The following C12orf56 variants were observed in gnomAD, a reference collection of about 807,000 sequenced individuals.
C12orf56 encodes the protein chromosome 12 open reading frame 56.
In C12orf56, 71 loss-of-function variants were observed where a neutral mutation model predicts 69.9. The observed-to-expected ratio is 1.02, with a 90% CI of 0.84 to 1.24. C12orf56 has a LOEUF of 1.24. C12orf56 is among the 50% of genes most tolerant of loss of function. The pLI is 0.00. For missense variants in C12orf56, 732 were observed against 738.5 expected, an observed-to-expected ratio of 0.99 and a Z score of 0.10; for synonymous variants, 276 against 274.1, an observed-to-expected ratio of 1.01 and a Z score of -0.07.
At position 64,278,787 on chromosome 12, in the gene C12orf56, C is replaced by T. The variant is rs796385116; in HGVS notation, c.1311-984G>A. ...TAAGCCTCTGACAACCACCATTCTA[C>T]ACTCTCTGTTTTTATGAGTTTGGCT... On this transcript the variant is annotated intron_variant, in intron 8 of 12. Coordinates refer to ENST00000543942, the MANE Select transcript of C12orf56 (RefSeq NM_001170633.2). Among the ~76,000 whole-genome samples the T allele has an allele frequency of 5.9e-5, 9 of 152,256 alleles. 1 individual carries two copies. Among genetic ancestry groups the T allele is most frequent in the African/African-American group, 1.7e-4 (7 of 41,554 alleles).
At chr12:64,308,989 G>GA (rs1478261426) in intron 5 of C12orf56, among the ~76,000 whole-genome samples, 67 of 146,402 alleles carry the variant, frequency 4.6e-4, no homozygotes, top group African/African-American at 1.4e-3. Context: ...AGAAAGAAAA[G>GA]AAAGAAGGAA....
At chr12:64,341,339 A>G (rs571204727) in intron 2 of C12orf56, among the ~76,000 whole-genome samples, 68 of 152,172 alleles carry the variant, frequency 4.5e-4, no homozygotes, top group African/African-American at 1.6e-3. Flanking sequence ...AATCCTGGCT[A>G]TGGGAGGAAC....
chr12:64,376,876 G>C (rs1173356016), intron 1 of C12orf56, among the ~76,000 whole-genome samples: 1 of 151,334 alleles, frequency 6.6e-6, no homozygotes, highest in Non-Finnish European at 1.5e-5. Context: ...GTCTTGCTCT[G>C]TTGTCCTGGC....
Position 64,338,755 on chromosome 12 carries a change from C to T in C12orf56, c.416-7723G>A, listed in dbSNP as rs1326570374. ...CTTGTTCAATGAAAGCCATCATATGCTTTATCTGCTTTTGCATGTCAGCAT... is the reference window on the plus strand; with the variant it reads ...CTTGTTCAATGAAAGCCATCATATGTTTTATCTGCTTTTGCATGTCAGCAT... On this transcript the variant is annotated intron_variant, in intron 2 of 12. Transcript: ENST00000543942. 19 of 1,444,444 alleles carry T rather than the reference C, an allele frequency of 1.3e-5. No individual in the cohort carries two copies. In the South Asian group the frequency reaches 2.1e-4, roughly 16 times the overall value. 89.5% of individuals were successfully genotyped at this position (1,444,444 alleles called of 1,614,324 possible).
intron 12 of C12orf56, among the ~76,000 whole-genome samples, chr12:64,269,368 A>G (rs542699893): frequency 6.6e-6 from 1 of 152,268 alleles, no homozygotes; most frequent in South Asian, 2.1e-4. Flanking sequence ...GCCTATAAAT[A>G]GAAATGGAAC....
intron 3 of C12orf56, among the ~76,000 whole-genome samples, chr12:64,323,176 C>T (rs1357921469): frequency 2.0e-5 from 3 of 152,152 alleles, no homozygotes; most frequent in Admixed American, 6.5e-5. Context: ...GACACACAAA[C>T]ATCAGAGAAG....
intron 5 of C12orf56, among the ~76,000 whole-genome samples, chr12:64,304,339 C>T (rs1256986149): frequency 2.0e-5 from 3 of 152,124 alleles, no homozygotes; most frequent in Non-Finnish European, 2.9e-5. Flanking sequence ...ATCAGCCTAG[C>T]TGGAAAAAGG....
At chr12:64,323,131 G>A (rs2038793293) in intron 3 of C12orf56, among the ~76,000 whole-genome samples, 1 of 152,196 alleles carries the variant, frequency 6.6e-6, no homozygotes, top group Non-Finnish European at 1.5e-5. Flanking sequence ...GCTGCCCCAT[G>A]GAGGATGTGG....
intron 6 of C12orf56, among the ~76,000 whole-genome samples, chr12:64,300,335 CT>C (rs911284067): frequency 1.9e-4 from 29 of 151,946 alleles, no homozygotes; most frequent in Non-Finnish European, 4.1e-4. Flanking sequence ...TCTCTCCATT[CT>C]TTTTTTGTTC....
chr12:64,380,283 C>G (rs957600361), intron 1 of C12orf56, among the ~76,000 whole-genome samples: 1 of 152,200 alleles, frequency 6.6e-6, no homozygotes, highest in South Asian at 2.1e-4. Context: ...GCCTGAGTAA[C>G]GGCCAGTGTG....
rs879200955 is a variant in C12orf56 at position 64,318,843 on chromosome 12, G to A, written c.626C>T (p.Pro209Leu). The A allele has an allele frequency of 1.3e-6, 2 of 1,537,186 alleles. No homozygotes were observed. The highest frequency in any genetic ancestry group is 2.4e-5 in the South Asian group (2 of 84,050). Reference protein sequence around the residue: ...SPSRRSSQSAPTTGKAVSEPS... With the variant: ...SPSRRSSQSALTTGKAVSEPS... Reference sequence around the variant, plus strand: ...CTCGCTGACAGCCTTGCCAGTTGTTGGTGCAGACTGAGAGCTCCTCCTGGA... The same window carrying A: ...CTCGCTGACAGCCTTGCCAGTTGTTAGTGCAGACTGAGAGCTCCTCCTGGA... The change falls in exon 4 of 13, where the codon CCA (proline) becomes CTA (leucine). Residue 209 changes from proline (P) to leucine (L), a missense_variant. Physicochemically the swap from Pro to Leu is moderately conservative, Grantham distance 98 (BLOSUM62 -3). Coordinates refer to ENST00000543942, the MANE Select transcript of C12orf56 (RefSeq NM_001170633.2).
chr12:64,338,552 A>G, intron 2 of C12orf56: 1 of 1,458,758 alleles, frequency 6.9e-7, no homozygotes, highest in Non-Finnish European at 9.6e-7. Flanking sequence ...GAGGACTTTG[A>G]GTCTTGCTTG....
In C12orf56 at chr12:64,390,326, C is replaced by T; in HGVS notation, c.240G>A (p.Val80=). The change falls in exon 1 of 13, where the codon GTG becomes GTA. Residue 80 remains valine, a synonymous_variant. Coordinates refer to ENST00000543942, the MANE Select transcript of C12orf56 (RefSeq NM_001170633.2). ...CCGCGCCGCTCACCAGGTCAATGGC[C>T]ACGACGTCCCGCAGAGCCACTACCC... The part of the protein sequence containing the change: ...IRRVVALRDV[V]AIDLIDDYPE... 1 of 1,609,666 alleles carries T rather than the reference C, an allele frequency of 6.2e-7. No individual in the cohort carries two copies. The highest frequency in any genetic ancestry group is 8.5e-7 in the Non-Finnish European group (1 of 1,178,974).
chr12:64,335,605 G>A (rs796271989), intron 2 of C12orf56, among the ~76,000 whole-genome samples: 76 of 152,282 alleles, frequency 5.0e-4, no homozygotes, highest in African/African-American at 1.7e-3. Flanking sequence ...GCTGAGGCAG[G>A]AGGATTGCTC....
rs1461672518 is a variant in C12orf56, at chr12:64,390,594, T to G, written c.-29A>C. On this transcript the variant is annotated 5_prime_UTR_variant, in exon 1 of 13. Coordinates refer to ENST00000543942, the MANE Select transcript of C12orf56 (RefSeq NM_001170633.2). The stretch of plus-strand genomic sequence containing the variant: ...CGGCGCCCGCAGCGTGGCGGAGTGC[T>G]GGGACTCGAGGCCCTCAGCTCGCCC... The G allele has an allele frequency of 6.6e-7, 1 of 1,505,220 alleles. No individual in the cohort carries two copies. Among genetic ancestry groups the G allele is most frequent in the East Asian group, 2.5e-5 (1 of 40,312 alleles). The allele number at this position is 1,505,220 out of a possible 1,614,324, so 93.2% of individuals were successfully genotyped here. A position where few individuals can be genotyped will look rare whatever the true frequency, so the allele number is the denominator to read the frequency against.
chr12:64,359,511 TA>T (rs2039367460), intron 1 of C12orf56, among the ~76,000 whole-genome samples: 1 of 152,168 alleles, frequency 6.6e-6, no homozygotes, highest in Non-Finnish European at 1.5e-5. Flanking sequence ...AATCTCTGTT[TA>T]AAAAATGTCT....
At chr12:64,287,053 G>A (rs949725238) in intron 6 of C12orf56, among the ~76,000 whole-genome samples, 4 of 151,894 alleles carry the variant, frequency 2.6e-5, no homozygotes, top group African/African-American at 7.3e-5. Flanking sequence ...CCTGGCCAAC[G>A]TGGCAAAACC....
At chr12:64,338,754 G>T (rs2039031564) in intron 2 of C12orf56, 1 of 1,441,754 alleles carries the variant, frequency 6.9e-7, no homozygotes, top group African/African-American at 1.4e-5. Flanking sequence ...GCCATCATAT[G>T]CTTTATCTGC....
intron 2 of C12orf56, among the ~76,000 whole-genome samples, chr12:64,345,118 G>T (rs573087839): frequency 4.7e-4 from 71 of 152,154 alleles, no homozygotes; most frequent in Non-Finnish European, 1.3e-4. Context: ...GGTTCTTTTT[G>T]AATGTAGCAC....
Sources: allele counts gnomAD v4.1 joint callset (sites outside exome capture counted in the v4.1 genomes callset), GRCh38; gene constraint gnomAD v4.1.1; transcripts MANE v1.5; gene names NCBI Gene and HGNC (gene_info 2026-07-23, HGNC 2026-07-21).